Variants in GRM8 observed in about 807,000 individuals in gnomAD.
GRM8 encodes glutamate metabotropic receptor 8.
GRM8 carries 47 observed loss-of-function variants against 87.2 expected under a neutral mutation model. The observed-to-expected ratio is 0.54, with a 90% CI of 0.43 to 0.69. The LOEUF (loss-of-function observed/expected upper bound fraction) is 0.69, where lower values mean the gene tolerates loss of function less well. GRM8 is among the 30% of genes least tolerant of loss of function. The pLI is 0.00. For synonymous variants in GRM8, 396 were observed against 404.5 expected (o/e 0.98, Z 0.25); for missense variants, 1,019 against 1,139.2 (o/e 0.89, Z 1.52).
chr7:127,055,926 T>C (rs941160038), intron 3 of GRM8, among the ~76,000 whole-genome samples: 6 of 152,324 alleles, frequency 3.9e-5, no homozygotes, highest in South Asian at 4.1e-4. Context: ...GCTTATGATT[T>C]CTGTACAAAT....
At chr7:126,993,253 A>G (rs1307133939) in intron 3 of GRM8, among the ~76,000 whole-genome samples, 1 of 152,222 alleles carries the variant, frequency 6.6e-6, no homozygotes, top group East Asian at 1.9e-4. Context: ...TGGATAATTC[A>G]CAATAGGCAA....
At chr7:126,454,383 C>A (rs768530688) in intron 9 of GRM8, among the ~76,000 whole-genome samples, 5 of 151,696 alleles carry the variant, frequency 3.3e-5, no homozygotes, top group African/African-American at 4.8e-5. Context: ...TGTAGTTTTG[C>A]GAAAGGCACT....
At chr7:126,463,167 A>G (rs1189344364) in intron 9 of GRM8, among the ~76,000 whole-genome samples, 1 of 151,628 alleles carries the variant, frequency 6.6e-6, no homozygotes, top group Non-Finnish European at 1.5e-5. Flanking sequence ...TATGATGAAG[A>G]GACATCAGGG....
At chr7:126,913,371 T>C (rs1803519703) in intron 3 of GRM8, among the ~76,000 whole-genome samples, 1 of 152,176 alleles carries the variant, frequency 6.6e-6, no homozygotes, top group African/African-American at 2.4e-5. Context: ...GCAAACAAAA[T>C]TACCATTTTA....
At chr7:127,185,209 C>A (rs1794669239) in intron 2 of GRM8, among the ~76,000 whole-genome samples, 1 of 151,942 alleles carries the variant, frequency 6.6e-6, no homozygotes, top group Non-Finnish European at 1.5e-5. Flanking sequence ...TCAAAACTTA[C>A]TATAAAGGCA....
chr7:126,674,863 C>T (rs1806777849), intron 7 of GRM8, among the ~76,000 whole-genome samples: 1 of 152,086 alleles, frequency 6.6e-6, no homozygotes. Flanking sequence ...TCACATTTCT[C>T]GTTAGAGAGC....
At chr7:126,563,236 A>T (rs8180790) in intron 8 of GRM8, among the ~76,000 whole-genome samples, 1 of 151,816 alleles carries the variant, frequency 6.6e-6, no homozygotes, top group East Asian at 1.9e-4. Context: ...ATATTTTGAA[A>T]CATTCTTCTT....
At chr7:126,815,703 G>A (rs1000131991) in intron 6 of GRM8, among the ~76,000 whole-genome samples, 5 of 152,026 alleles carry the variant, frequency 3.3e-5, no homozygotes, top group Admixed American at 2.6e-4. Context: ...CCTGAATTGG[G>A]CAATTTAGGT....
chr7:127,020,330 G>C (rs1158049513), intron 3 of GRM8, among the ~76,000 whole-genome samples: 1 of 152,076 alleles, frequency 6.6e-6, no homozygotes, highest in East Asian at 1.9e-4. Context: ...TGGGGGTAGT[G>C]CTCCCTGATG....
chr7:127,008,784 T>C (rs1814580850), intron 3 of GRM8, among the ~76,000 whole-genome samples: 1 of 152,128 alleles, frequency 6.6e-6, no homozygotes, highest in Non-Finnish European at 1.5e-5. Context: ...CAGTATATTC[T>C]ATATAGTTGA....
At chr7:127,154,749 A>G (rs1363235708) in intron 2 of GRM8, among the ~76,000 whole-genome samples, 1 of 151,922 alleles carries the variant, frequency 6.6e-6, no homozygotes, top group African/African-American at 2.4e-5. Context: ...TTTTTTAACT[A>G]ATTTCAGGAA....
chr7:126,960,690 T>C (rs897224387), intron 3 of GRM8, among the ~76,000 whole-genome samples: 3 of 152,222 alleles, frequency 2.0e-5, no homozygotes, highest in Non-Finnish European at 4.4e-5. Flanking sequence ...TTGGATGCTA[T>C]TTCCCCAGAT....
chr7:126,705,063 C>G (rs140172390), intron 7 of GRM8, among the ~76,000 whole-genome samples: 1 of 152,086 alleles, frequency 6.6e-6, no homozygotes, highest in Non-Finnish European at 1.5e-5. Context: ...CTCCCCTGGA[C>G]GCCCAGCTTT....
chr7:127,105,816 T>C (rs1347223866), intron 3 of GRM8, among the ~76,000 whole-genome samples: 1 of 152,212 alleles, frequency 6.6e-6, no homozygotes, highest in African/African-American at 2.4e-5. Context: ...TTTTGCTCTG[T>C]GTTTTCAAAG....
chr7:126,973,662 C>A (rs559293863), intron 3 of GRM8, among the ~76,000 whole-genome samples: 1 of 152,280 alleles, frequency 6.6e-6, no homozygotes, highest in African/African-American at 2.4e-5. Flanking sequence ...GAGACACCAT[C>A]CCCCTCAGAG....
At chr7:127,249,623 T>C (rs1288846701) in intron 1 of GRM8, among the ~76,000 whole-genome samples, 1 of 152,026 alleles carries the variant, frequency 6.6e-6, no homozygotes. Flanking sequence ...TTGTCGCAAT[T>C]TGTCAAATTA....
At chr7:127,199,349 A>G (rs1294665211) in intron 2 of GRM8, among the ~76,000 whole-genome samples, 1 of 152,272 alleles carries the variant, frequency 6.6e-6, no homozygotes. Flanking sequence ...CTTGCTTTCA[A>G]ATAATGAGAA....
chr7:126,649,961 A>G (rs1298602247), intron 7 of GRM8, among the ~76,000 whole-genome samples: 1 of 152,200 alleles, frequency 6.6e-6, no homozygotes, highest in Non-Finnish European at 1.5e-5. Flanking sequence ...ATCACAGCAG[A>G]GGCCTCTAGG....
At position 126,463,594 on chromosome 7, in the gene GRM8, C is replaced by T. The variant is rs184044123; in HGVS notation, c.2431-17222G>A. Among the ~76,000 whole-genome samples the T allele has an allele frequency of 7.2e-5, 11 of 151,740 alleles. No homozygotes were observed. The East Asian group carries it at 2.1e-3, about 30-fold the overall frequency. On this transcript the variant is annotated intron_variant, in intron 9 of 10. Transcript: ENST00000339582. ...TTGGTTAGGGAAAGAAAGCACCAAG[C>T]TAGGCTTTTTATTAAATTTTCAAGG...
Sources: allele counts gnomAD v4.1 joint callset (sites outside exome capture counted in the v4.1 genomes callset), GRCh38; gene constraint gnomAD v4.1.1; transcripts MANE v1.5; gene names NCBI Gene and HGNC (gene_info 2026-07-23, HGNC 2026-07-21).